The following TUBGCP6 variants were observed in gnomAD, a reference collection of about 807,000 sequenced individuals.
The protein encoded by TUBGCP6 is gamma-tubulin complex component 6.
Under a neutral mutation model 175.8 loss-of-function variants are expected in TUBGCP6, and 161 were observed. The ratio of observed to expected loss-of-function variants is 0.92; its 90% CI spans 0.81 to 1.04. The LOEUF is 1.04. Ranked by LOEUF, TUBGCP6 falls within the 50% of genes least tolerant of loss-of-function variation. The probability of loss-of-function intolerance (pLI) is 0.00; values close to 1 mark genes in which losing one functional copy is unlikely to be tolerated. For synonymous variants in TUBGCP6, 1,173 were observed against 1,030.5 expected (o/e 1.14, Z -2.65); for missense variants, 2,572 against 2,433.0 (o/e 1.06, Z -1.20).
intron 2 of TUBGCP6, among the ~76,000 whole-genome samples, chr22:50,239,366 G>C (rs987502282): frequency 2.0e-5 from 3 of 152,062 alleles, no homozygotes; most frequent in Non-Finnish European, 4.4e-5. Context: ...TAGTAGAGAC[G>C]GGGTTTCACC....
rs772772535 is a variant in TUBGCP6 at position 50,220,267 on chromosome 22, ACT to A, written c.4090_4091del (p.Ser1364CysfsTer3). ...TACTCTGACCTAGTTCTTCAGAGAC[ACT>A]GTCTCCCGGGGTGTTGGGCCACCAT... is the stretch of plus-strand genomic sequence containing the variant. ...QPWWPNTPGD[S>X]VSEELGPGRS... On this transcript the variant is annotated frameshift_variant, in exon 16 of 25. Coordinates refer to ENST00000248846, the MANE Select transcript of TUBGCP6 (RefSeq NM_020461.4). LOFTEE classifies it high-confidence loss of function. 20 of 1,560,608 alleles carry A rather than the reference ACT, an allele frequency of 1.3e-5. No individual in the cohort carries two copies. The highest frequency in any genetic ancestry group is 6.0e-5 in the South Asian group (5 of 83,386).
At position 50,219,790 on chromosome 22, in the gene TUBGCP6, T is replaced by C; in HGVS notation, c.4169A>G (p.Glu1390Gly). Residue 1390 changes from glutamate to glycine, a missense_variant and splice_region_variant, in exon 18 of 25, where the codon GAA becomes GGA. Physicochemically the swap from Glu to Gly is moderately conservative, Grantham distance 98. Transcript: ENST00000248846. ...LSPNWPLNSQ[E>G]DTAAQSSPGR... ...TGGGCTGCTCTGGGCAGCTGTGTCT[T>C]CCTAACAAAACACCAGCCTCAGAAC... 1 of 1,612,516 alleles carries C rather than the reference T, an allele frequency of 6.2e-7. No homozygotes were observed. The highest frequency in any genetic ancestry group is 2.2e-5 in the East Asian group (1 of 44,834).
At chr22:50,239,672 T>C (rs2064816494) in intron 2 of TUBGCP6, among the ~76,000 whole-genome samples, 1 of 152,192 alleles carries the variant, frequency 6.6e-6, no homozygotes, top group African/African-American at 2.4e-5. Flanking sequence ...TCACCCAGAC[T>C]GCCCCTCCCA....
At position 50,229,587 on chromosome 22, in the gene TUBGCP6, G is replaced by A. The variant is rs2064663722; in HGVS notation, c.1117-10C>T. On this transcript the variant is annotated splice_polypyrimidine_tract_variant and intron_variant, in intron 3 of 24. Coordinates refer to ENST00000248846, the MANE Select transcript of TUBGCP6 (RefSeq NM_020461.4). ...CAAAGGCCTGGGCCGGCTGCACAGG[G>A]GCAGAGGACACTGGTCACAGAGGCC... The A allele has an allele frequency of 2.5e-6, 4 of 1,578,384 alleles. No individual in the cohort carries two copies. The highest frequency in any genetic ancestry group is 3.4e-6 in the Non-Finnish European group (4 of 1,163,092).
Position 50,230,358 on chromosome 22 carries a change from G to A in TUBGCP6, c.1117-781C>T, listed in dbSNP as rs5771251. On this transcript the variant is annotated intron_variant, in intron 3 of 24. Transcript: ENST00000248846. The stretch of plus-strand genomic sequence containing the variant: ...ATGGTGGCTCACGCCTGTAATCCCA[G>A]CACTTCAGGAGGCCAAGGCAGGTGG... Among the ~76,000 whole-genome samples, 7 of 152,114 alleles carry A rather than the reference G, an allele frequency of 4.6e-5. No individual in the cohort carries two copies. In the East Asian group the frequency reaches 1.4e-3, roughly 29 times the overall value.
Position 50,233,373 on chromosome 22 carries a change from C to T in TUBGCP6, c.1059G>A (p.Val353=). 1 of 1,614,050 alleles carries T rather than the reference C, an allele frequency of 6.2e-7. No homozygotes were observed. Among genetic ancestry groups the T allele is most frequent in the Non-Finnish European group, 8.5e-7 (1 of 1,179,970 alleles). ...CAATCAAGACGTTCAGCACGTCTTT[C>T]ACCAGCTCGCACTCCTTCACCAGCA... ...QPVLVKECEL[V]KDVLNVLIGV... The change falls in exon 3 of 25, where the codon GTG becomes GTA. Residue 353 remains valine (V), a synonymous_variant. Coordinates refer to ENST00000248846, the MANE Select transcript of TUBGCP6 (RefSeq NM_020461.4).
chr22:50,227,093 G>A lies in TUBGCP6; in HGVS notation c.1413-16C>T. The A allele has an allele frequency of 1.9e-6, 3 of 1,605,704 alleles. No individual in the cohort carries two copies. The highest frequency in any genetic ancestry group is 2.6e-6 in the Non-Finnish European group (3 of 1,175,958). ...GGCCAGGTACCTAGACCCAGAGGCA[G>A]GATGAGACCAGGTGACCGGGCTCAG... is the stretch of plus-strand genomic sequence containing the variant. On this transcript the variant is annotated splice_polypyrimidine_tract_variant and intron_variant, in intron 5 of 24. Transcript: ENST00000248846.
Position 50,240,337 on chromosome 22 carries a change from C to T in TUBGCP6, c.772G>A (p.Glu258Lys). ...VPPSVDQWED[E>K]GFQSASNLTP... Reference sequence around the variant, plus strand: ...AAGTTGGACGCTGACTGGAATCCTTCGTCTTCCCACTGATCCACACTCGGT... The same window carrying T: ...AAGTTGGACGCTGACTGGAATCCTTTGTCTTCCCACTGATCCACACTCGGT... Residue 258 changes from glutamate (E) to lysine (K), a missense_variant, in exon 2 of 25, where the codon GAA becomes AAA. Glu to Lys is a moderately conservative substitution (Grantham distance 56). Coordinates refer to ENST00000248846, the MANE Select transcript of TUBGCP6 (RefSeq NM_020461.4). 2 of 1,613,734 alleles carry T rather than the reference C, an allele frequency of 1.2e-6. No individual in the cohort carries two copies. Among genetic ancestry groups the T allele is most frequent in the Non-Finnish European group, 1.7e-6 (2 of 1,179,950 alleles).
In TUBGCP6 at chr22:50,219,354, T is replaced by G. The variant is rs1393017146; in HGVS notation, c.4418A>C (p.Gln1473Pro). 6.3e-7 allele frequency: 1 copy of G among 1,591,850 alleles called. No individual in the cohort carries two copies. The highest frequency in any genetic ancestry group is 8.5e-7 in the Non-Finnish European group (1 of 1,170,530). Residue 1473 changes from glutamine (Q) to proline (P), a missense_variant, in exon 19 of 25, where the codon CAG becomes CCG. Coordinates refer to ENST00000248846, the MANE Select transcript of TUBGCP6 (RefSeq NM_020461.4). ...VQSAADETAV[Q>P]LSELLTLPVL... ...GGGCAGCGTCAGCAACTCGCTCAGC[T>G]GCACAGCAGTCTCATCAGCGGCAGA... is the stretch of plus-strand genomic sequence containing the variant.
At position 50,244,603 on chromosome 22, in the gene TUBGCP6, A is replaced by ATT. The variant is rs3841005; in HGVS notation, c.-146_-145dup. 1.6e-4 allele frequency: 214 copies of ATT among 1,324,838 alleles called. No homozygotes were observed. In the African/African-American group the frequency reaches 1.8e-3, roughly 11 times the overall value. 82.1% of individuals were successfully genotyped at this position (1,324,838 alleles called of 1,614,324 possible). On this transcript the variant is annotated 5_prime_UTR_variant, in exon 1 of 25. Transcript: ENST00000248846. ...TCCAATGCCGAAGCTCAGAACTGGT[A>ATT]TTTTTTAAAGGAGGTCTTGCGGTTG... is the stretch of plus-strand genomic sequence containing the variant.
chr22:50,241,488 C>T (rs1429776236), intron 1 of TUBGCP6, among the ~76,000 whole-genome samples: 1 of 152,146 alleles, frequency 6.6e-6, no homozygotes, highest in Non-Finnish European at 1.5e-5. Flanking sequence ...CAGGCCCACC[C>T]GCAGTTATCC....
chr22:50,229,283 A>G, intron 4 of TUBGCP6, 121 bp downstream of exon 4: 1 of 1,130,682 alleles, frequency 8.8e-7, no homozygotes, highest in South Asian at 1.6e-5. Flanking sequence ...TTCAGATGTT[A>G]GCAAGGAAAG....
chr22:50,224,564 T>A lies in TUBGCP6; in HGVS notation c.2012A>T (p.Glu671Val). ...TGCTTCCCGGGCATGAGCGATTAAT[T>A]CTTGTTTTGCAATTTCCATACGTAA... ...KELRMEIAKQ[E>V]LIAHAREAAS... The change falls in exon 11 of 25, where the codon GAA becomes GTA. Residue 671 changes from glutamate to valine, a missense_variant. Glu to Val is a moderately radical substitution (Grantham distance 121). Transcript: ENST00000248846. 1 of 1,614,074 alleles carries A rather than the reference T, an allele frequency of 6.2e-7. No homozygotes were observed. The highest frequency in any genetic ancestry group is 8.5e-7 in the Non-Finnish European group (1 of 1,180,012).
chr22:50,228,826 G>A (rs570467501), intron 4 of TUBGCP6, among the ~76,000 whole-genome samples: 16 of 152,180 alleles, frequency 1.1e-4, no homozygotes, highest in African/African-American at 3.9e-4. Context: ...GCGCTGCCTG[G>A]CTCCTCCAGG....
At position 50,217,926 on chromosome 22, in the gene TUBGCP6, A is replaced by G; in HGVS notation, c.5360T>C (p.Leu1787Pro). The stretch of plus-strand genomic sequence containing the variant: ...GCCAGGGTGGGCCTCACCTTTGAAG[A>G]GAAAGTGGGAGTAGTACTTGAAGGT... ...YNTFKYYSHF[L>P]FKVVTKLVNR... The change falls in exon 24 of 25, where the codon CTC becomes CCC. Residue 1787 changes from leucine (L) to proline (P), a missense_variant. Physicochemically the swap from Leu to Pro is moderately conservative, Grantham distance 98. Transcript: ENST00000248846. 6.2e-7 allele frequency: 1 copy of G among 1,605,650 alleles called. No individual in the cohort carries two copies. The highest frequency in any genetic ancestry group is 1.7e-4 in the Middle Eastern group (1 of 6,012).
chr22:50,226,210 C>A lies in TUBGCP6; in HGVS notation c.1694-21G>T, dbSNP rs375003937. On this transcript the variant is annotated intron_variant, in intron 8 of 24. Coordinates refer to ENST00000248846, the MANE Select transcript of TUBGCP6 (RefSeq NM_020461.4). ...CTTATCTAAGGTAGGGTGAACACCACGGTGGCCGGCATGGCCATGGCCCTG... is the reference window on the plus strand; with the variant it reads ...CTTATCTAAGGTAGGGTGAACACCAAGGTGGCCGGCATGGCCATGGCCCTG... The A allele has an allele frequency of 5.6e-6, 9 of 1,614,078 alleles. No individual in the cohort carries two copies. In the African/African-American group the frequency reaches 9.3e-5, roughly 17 times the overall value.
chr22:50,221,237 G>T lies in TUBGCP6; in HGVS notation c.3122C>A (p.Ser1041Tyr), dbSNP rs940642302. ...CCGTGGCCGGGTGGGAGCTATTTCAGAAGCGTAGTCCCCTGTGGGAAGACC... is the reference window on the plus strand; with the variant it reads ...CCGTGGCCGGGTGGGAGCTATTTCATAAGCGTAGTCCCCTGTGGGAAGACC... ...GGGLPTGDYA[S>Y]EIAPTRPRWN... Residue 1041 changes from serine to tyrosine, a missense_variant, in exon 16 of 25, where the codon TCT becomes TAT. By Grantham distance (144) the Ser-to-Tyr change is moderately radical. Transcript: ENST00000248846. 1 of 1,614,062 alleles carries T rather than the reference G, an allele frequency of 6.2e-7. No homozygotes were observed. Among genetic ancestry groups the T allele is most frequent in the Non-Finnish European group, 8.5e-7 (1 of 1,180,050 alleles).
intron 14 of TUBGCP6, 145 bp from the exon 15 acceptor site, chr22:50,222,247 C>T: frequency 8.6e-7 from 1 of 1,163,814 alleles, no homozygotes; most frequent in Non-Finnish European, 1.2e-6. Context: ...GGACGCTGGG[C>T]CTGCAAAAAG....
chr22:50,229,314 T>A, intron 4 of TUBGCP6, 90 bp downstream of exon 4: 1 of 1,416,964 alleles, frequency 7.1e-7, no homozygotes, highest in Non-Finnish European at 9.7e-7. Flanking sequence ...GACTCTCTGG[T>A]CCTGCAGAAG....
Sources: gnomAD v4.1 joint callset for allele counts (sites outside exome capture counted in the v4.1 genomes callset) on GRCh38, gnomAD v4.1.1 for gene constraint, MANE v1.5 for transcripts, NCBI Gene and HGNC (gene_info 2026-07-23, HGNC 2026-07-21) for gene names.